RPS6KA2: variants seen among roughly 807,000 people sequenced by gnomAD.
RPS6KA2 encodes the protein ribosomal protein S6 kinase alpha-2.
Under a neutral mutation model 91.8 loss-of-function variants are expected in RPS6KA2, and 42 were observed. The ratio of observed to expected loss-of-function variants is 0.46; its 90% CI spans 0.36 to 0.59. RPS6KA2 has a LOEUF of 0.59. Ranked by LOEUF, RPS6KA2 falls within the 20% of genes least tolerant of loss-of-function variation. The pLI is 0.00. For synonymous variants in RPS6KA2, 414 were observed against 393.6 expected (o/e 1.05, Z -0.61); for missense variants, 798 against 978.5 (o/e 0.82, Z 2.46).
At chr6:166,455,901 C>T (rs562837589) in intron 12 of RPS6KA2, among the ~76,000 whole-genome samples, 3 of 152,190 alleles carry the variant, frequency 2.0e-5, no homozygotes, top group Non-Finnish European at 4.4e-5. Flanking sequence ...GATGTCTTCC[C>T]TTAGGGATTT....
At chr6:166,744,590 C>A (rs563035037) in intron 2 of RPS6KA2, among the ~76,000 whole-genome samples, 6 of 152,220 alleles carry the variant, frequency 3.9e-5, no homozygotes, top group Non-Finnish European at 1.5e-5. Flanking sequence ...GCCGCGCACC[C>A]GTGCAGCAGG....
chr6:166,857,991 C>T, intron 2 of RPS6KA2: 1 of 537,750 alleles, frequency 1.9e-6, no homozygotes. Flanking sequence ...TCCAGCTATT[C>T]TTTTTGAGGG....
chr6:166,553,684 G>A (rs897844071), intron 1 of RPS6KA2, among the ~76,000 whole-genome samples: 19 of 151,832 alleles, frequency 1.3e-4, no homozygotes, highest in African/African-American at 4.6e-4. Context: ...ATTATCACAC[G>A]TGCGGCTCAT....
At chr6:166,809,936 C>T (rs973543560) in intron 2 of RPS6KA2, among the ~76,000 whole-genome samples, 1 of 152,188 alleles carries the variant, frequency 6.6e-6, no homozygotes, top group African/African-American at 2.4e-5. Context: ...TTAGTCTGTT[C>T]TCACACTGCT....
chr6:166,498,429 A>G, intron 8 of RPS6KA2, 79 bp downstream of exon 8: 1 of 1,459,226 alleles, frequency 6.9e-7, no homozygotes, highest in Admixed American at 2.6e-5. Flanking sequence ...GCATTTCGGG[A>G]CCTCTGAACC....
At chr6:166,462,355 G>A (rs141286795) in intron 11 of RPS6KA2, among the ~76,000 whole-genome samples, 92 of 152,264 alleles carry the variant, frequency 6.0e-4, no homozygotes, top group Non-Finnish European at 1.0e-3. Context: ...CCACAGCCTC[G>A]CTTCACAGCT....
chr6:166,857,973 T>G (rs1228676987), intron 2 of RPS6KA2: 1 of 539,840 alleles, frequency 1.9e-6, no homozygotes, highest in Non-Finnish European at 3.3e-6. Context: ...CAGCCTTCCG[T>G]CCTATGCTCC....
intron 14 of RPS6KA2, among the ~76,000 whole-genome samples, chr6:166,439,335 T>C (rs1235169133): frequency 6.6e-6 from 1 of 152,276 alleles, no homozygotes; most frequent in Non-Finnish European, 1.5e-5. Context: ...CTCGAACTCC[T>C]GACCTCAGGT....
intron 2 of RPS6KA2, among the ~76,000 whole-genome samples, chr6:166,745,407 C>G (rs1227372662): frequency 6.6e-6 from 1 of 152,158 alleles, no homozygotes; most frequent in Admixed American, 6.5e-5. Flanking sequence ...CTGCCTTGGC[C>G]TCCCAAAGTG....
intron 1 of RPS6KA2, among the ~76,000 whole-genome samples, chr6:166,583,271 C>A (rs1256737829): frequency 1.3e-5 from 2 of 152,220 alleles, no homozygotes; most frequent in Admixed American, 1.3e-4. Context: ...GTCCAGCTCA[C>A]CCTAGGGTCT....
At position 166,412,722 on chromosome 6, in the gene RPS6KA2, A is replaced by G. The variant is rs1441814411; in HGVS notation, c.*40T>C. On this transcript the variant is annotated 3_prime_UTR_variant, in exon 21 of 21. Coordinates refer to ENST00000265678, the MANE Select transcript of RPS6KA2 (RefSeq NM_021135.6). This position sits in a 1 kb window ranked among gnomAD's most constrained non-coding sequence, Gnocchi z 4.3. ...CGAGGCCGGGGTCTGTGAGCCCACG[A>G]GGATGCTGGCAGGGGACGCTGGGGC... is the stretch of plus-strand genomic sequence containing the variant. The G allele has an allele frequency of 9.0e-6, 14 of 1,555,608 alleles. No homozygotes were observed. Among genetic ancestry groups the G allele is most frequent in the Non-Finnish European group, 1.1e-5 (13 of 1,150,938 alleles).
chr6:166,622,174 G>C (rs1431370363), intron 1 of RPS6KA2, among the ~76,000 whole-genome samples: 1 of 152,074 alleles, frequency 6.6e-6, no homozygotes, highest in African/African-American at 2.4e-5. Flanking sequence ...AAAGCAAAAG[G>C]GGCAAAATCT....
chr6:166,771,082 G>C (rs770604957), intron 2 of RPS6KA2, among the ~76,000 whole-genome samples: 1 of 152,298 alleles, frequency 6.6e-6, no homozygotes, highest in African/African-American at 2.4e-5. Context: ...TTTCTTTCGC[G>C]TTCAGGAAGC....
intron 1 of RPS6KA2, among the ~76,000 whole-genome samples, chr6:166,605,142 C>A (rs1785900843): frequency 6.6e-6 from 1 of 152,186 alleles, no homozygotes; most frequent in African/African-American, 2.4e-5. Context: ...ATGCAACCTG[C>A]AACCAAGTCA....
chr6:166,626,992 C>G lies in RPS6KA2; in HGVS notation c.28G>C (p.Val10Leu). 1.3e-6 allele frequency: 2 copies of G among 1,550,272 alleles called. No individual in the cohort carries two copies. Among genetic ancestry groups the G allele is most frequent in the Non-Finnish European group, 1.7e-6 (2 of 1,146,852 alleles). The change falls in exon 1 of 21, where the codon GTG becomes CTG. Residue 10 changes from valine (V) to leucine (L), a missense_variant. Physicochemically the swap from Val to Leu is conservative, Grantham distance 32. Transcript: ENST00000265678. This position sits in a 1 kb window ranked among gnomAD's most constrained non-coding sequence, Gnocchi z 4.1. ...AGGTACACAGAGAAGAACCTGCGCA[C>G]GGCGAACTTCTTCATGCTCAGGTCC... MDLSMKKFA[V>L]RRFFSVYLRR...
At chr6:166,840,734 G>T (rs769845861) in intron 2 of RPS6KA2, among the ~76,000 whole-genome samples, 4 of 152,116 alleles carry the variant, frequency 2.6e-5, no homozygotes, top group Non-Finnish European at 4.4e-5. Context: ...GGCTTAGGCG[G>T]GCAGATCACC....
At chr6:166,762,426 A>C (rs1258954228) in intron 2 of RPS6KA2, among the ~76,000 whole-genome samples, 3 of 152,278 alleles carry the variant, frequency 2.0e-5, no homozygotes, top group Non-Finnish European at 4.4e-5. Context: ...CGGAGGACGG[A>C]ATATGAAGTT....
In RPS6KA2 at chr6:166,533,338, C is replaced by A. The variant is rs367872553; in HGVS notation, c.217-2025G>T. ...CAGGACAGTGCAGGGAGGAGGCAGG[C>A]GCAGCCCAGGAGTCCAGGAGCTGGG... On this transcript the variant is annotated intron_variant, in intron 2 of 20. Transcript: ENST00000265678. The surrounding 1 kb of genome is among the most constrained non-coding windows in gnomAD (Gnocchi z 4.0). Among the ~76,000 whole-genome samples the A allele has an allele frequency of 1.3e-5, 2 of 152,192 alleles. No homozygotes were observed. The highest frequency in any genetic ancestry group is 2.9e-5 in the Non-Finnish European group (2 of 68,036).
At chr6:166,710,485 AGTGTGTGTGTGT>A (rs66993073) in intron 2 of RPS6KA2, among the ~76,000 whole-genome samples, 3 of 149,994 alleles carry the variant, frequency 2.0e-5, no homozygotes, top group African/African-American at 4.9e-5. Context: ...GTGTTGTGTG[AGTGTGTGTGTGT>A]GTGTGTGTGT....
Sources: allele counts gnomAD v4.1 joint callset (sites outside exome capture counted in the v4.1 genomes callset), GRCh38; gene constraint gnomAD v4.1.1; non-coding constraint Gnocchi (gnomAD v3.1); transcripts MANE v1.5; gene names NCBI Gene and HGNC (gene_info 2026-07-23, HGNC 2026-07-21).